The following SDHA variants were observed in gnomAD, a reference collection of about 807,000 sequenced individuals.
The protein encoded by SDHA is succinate dehydrogenase [ubiquinone] flavoprotein subunit, mitochondrial.
In SDHA, 48 loss-of-function variants were observed where a neutral mutation model predicts 78.4. The ratio of observed to expected loss-of-function variants is 0.61; its 90% confidence interval spans 0.49 to 0.78. The LOEUF (loss-of-function observed/expected upper bound fraction) is 0.78. Ranked by LOEUF, SDHA falls within the 30% of genes least tolerant of loss-of-function variation. SDHA has a pLI of 0.00. For synonymous variants in SDHA, 326 were observed against 353.9 expected, an observed-to-expected ratio of 0.92 and a Z score of 0.88; for missense variants, 680 against 892.7, an observed-to-expected ratio of 0.76 and a Z score of 3.04.
At chr5:265,831 A>G in the SDHA span, among the ~76,000 whole-genome samples, 1 of 144,092 alleles carries the variant, frequency 6.9e-6, no homozygotes, top group Non-Finnish European at 1.5e-5. Context: ...AAAAAAAAAA[A>G]AAGAGTTGTC....
At chr5:238,353 A>G (rs139140411) in intron 10 of SDHA, among the ~76,000 whole-genome samples, 85 of 152,284 alleles carry the variant, frequency 5.6e-4, no homozygotes, top group African/African-American at 2.0e-3. Flanking sequence ...TTAATTTTCA[A>G]AAATGAAAAG....
the SDHA span, among the ~76,000 whole-genome samples, chr5:262,612 GAA>G: frequency 1.3e-5 from 2 of 152,206 alleles, no homozygotes; most frequent in Admixed American, 6.5e-5. Context: ...CTTGTCCGTG[GAA>G]AAAGTGTCTT....
chr5:249,348 T>G (rs1321507940), intron 11 of SDHA: 1 of 221,062 alleles, frequency 4.5e-6, no homozygotes, highest in African/African-American at 2.4e-5. Flanking sequence ...CCCCCCAATG[T>G]GGCCATAAAC....
At chr5:259,541 C>T (rs1214550398), downstream of SDHA, among the ~76,000 whole-genome samples, 19 of 32,656 alleles carry the variant, frequency 5.8e-4, no homozygotes, top group South Asian at 4.9e-3. Context: ...CCCGCCAGAG[C>T]ATTACCGTGT....
chr5:246,288 G>A (rs1418970167), intron 11 of SDHA, among the ~76,000 whole-genome samples: 1 of 151,438 alleles, frequency 6.6e-6, no homozygotes, highest in South Asian at 2.1e-4. Context: ...AAATAGAATC[G>A]ATCCAGAGAA....
intron 1 of SDHA, among the ~76,000 whole-genome samples, chr5:221,140 T>C (rs766842978): frequency 6.6e-6 from 1 of 152,162 alleles, no homozygotes; most frequent in Non-Finnish European, 1.5e-5. Context: ...TCCCTGTTTT[T>C]AAAATAATAA....
chr5:239,119 T>TGCAGAACCTCAAGAGACCCACAGCTTGGG (rs1735970370), intron 10 of SDHA, among the ~76,000 whole-genome samples: 1 of 140,038 alleles, frequency 7.1e-6, no homozygotes, highest in African/African-American at 3.0e-5. Flanking sequence ...CATAGCCTGG[T>TGCAGAACCTCAAGAGACCCACAGCTTGGG]CCTGTGGAGA....
intron 11 of SDHA, chr5:249,285 C>T (rs1403298266): frequency 8.2e-6 from 2 of 243,912 alleles, no homozygotes; most frequent in Non-Finnish European, 1.6e-5. Context: ...AACAAAGCTG[C>T]CTTTGCTTTT....
chr5:258,395 A>G (rs1410056787), downstream of SDHA, among the ~76,000 whole-genome samples: 1 of 124,370 alleles, frequency 8.0e-6, no homozygotes, highest in Non-Finnish European at 1.6e-5. Context: ...GCCCCCTGCC[A>G]GAGCATTACC....
At chr5:245,578 C>T (rs1366607353) in intron 11 of SDHA, among the ~76,000 whole-genome samples, 1 of 152,128 alleles carries the variant, frequency 6.6e-6, no homozygotes, top group Non-Finnish European at 1.5e-5. Flanking sequence ...TGCCCCTACT[C>T]GAGAAATATT....
intron 11 of SDHA, among the ~76,000 whole-genome samples, chr5:247,472 T>A (rs1736533412): frequency 6.6e-6 from 1 of 152,238 alleles, no homozygotes; most frequent in Admixed American, 6.5e-5. Flanking sequence ...ATTTAACCCG[T>A]GTTAATGCCT....
chr5:251,510 G>A (rs772639596), intron 13 of SDHA, 42 bp downstream of exon 13: 3 of 1,613,362 alleles, frequency 1.9e-6, no homozygotes, highest in Non-Finnish European at 2.5e-6. Flanking sequence ...GCCTTTTCCT[G>A]CCACCTGGTG....
At chr5:261,722 C>T (rs1450208736), downstream of SDHA, among the ~76,000 whole-genome samples, 261 of 23,104 alleles carry the variant, frequency 0.011, 2 homozygotes, top group Non-Finnish European at 0.014. Flanking sequence ...AGAGCATTAC[C>T]GTGTGAGCTC....
At chr5:244,808 G>A (rs1487398607) in intron 11 of SDHA, among the ~76,000 whole-genome samples, 1 of 152,138 alleles carries the variant, frequency 6.6e-6, no homozygotes, top group African/African-American at 2.4e-5. Flanking sequence ...ATAAATTTAT[G>A]GGGAAGAGAT....
intron 1 of SDHA, among the ~76,000 whole-genome samples, chr5:219,793 C>T (rs1023288773): frequency 6.6e-6 from 1 of 152,172 alleles, no homozygotes; most frequent in Non-Finnish European, 1.5e-5. Flanking sequence ...AGATGGTGCC[C>T]GGTGTTCCTT....
intron 7 of SDHA, among the ~76,000 whole-genome samples, chr5:231,610 G>A (rs1400297886): frequency 1.3e-5 from 2 of 151,052 alleles, no homozygotes; most frequent in South Asian, 2.1e-4. Context: ...GTCCCTCTTC[G>A]CAACGAGGTC....
chr5:247,479 G>T (rs1036362665), intron 11 of SDHA, among the ~76,000 whole-genome samples: 1 of 152,210 alleles, frequency 6.6e-6, no homozygotes, highest in South Asian at 2.1e-4. Context: ...CCGTGTTAAT[G>T]CCTCTGGTCT....
downstream of SDHA, among the ~76,000 whole-genome samples, chr5:259,474 G>C (rs1478057757): frequency 5.9e-5 from 2 of 34,164 alleles, no homozygotes; most frequent in African/African-American, 2.2e-4. Context: ...CCTCCTGCCA[G>C]AGCATTACCG....
intron 11 of SDHA, chr5:250,150 T>C (rs1358859628): frequency 2.0e-5 from 3 of 152,162 alleles, no homozygotes; most frequent in African/African-American, 7.2e-5. Context: ...TGAAAAACCA[T>C]TAGGTTGATG....
Sources: allele counts gnomAD v4.1 joint callset (sites outside exome capture counted in the v4.1 genomes callset), GRCh38; gene constraint gnomAD v4.1.1; transcripts MANE v1.5; gene names NCBI Gene and HGNC (gene_info 2026-07-23, HGNC 2026-07-21).